BAIAP2L2: variants seen among roughly 807,000 people sequenced by gnomAD.
The protein encoded by BAIAP2L2 is BAR/IMD domain containing adaptor protein 2 like 2.
In BAIAP2L2, 65 loss-of-function variants were observed where a neutral mutation model predicts 60.4. The observed-to-expected ratio is 1.08, with a 90% confidence interval of 0.88 to 1.32. The LOEUF (loss-of-function observed/expected upper bound fraction) is 1.32, where lower values mean the gene tolerates loss of function less well. Ranked by LOEUF, BAIAP2L2 falls within the 40% of genes most tolerant of loss-of-function variation. The pLI is 0.00. For missense variants in BAIAP2L2, 836 were observed against 741.2 expected (o/e 1.13, Z -1.48); for synonymous variants, 344 against 301.7 (o/e 1.14, Z -1.45).
intron 9 of BAIAP2L2, 47 bp downstream of exon 9, chr22:38,089,045 ACCCC>A (rs1390019233): frequency 6.7e-5 from 93 of 1,394,124 alleles, no homozygotes; most frequent in Non-Finnish European, 7.9e-5. Context: ...CTGCAGCCCC[ACCCC>A]CGCGCCTCTC....
At chr22:38,107,045 T>A (rs2145632236) in intron 4 of BAIAP2L2, among the ~76,000 whole-genome samples, 1 of 152,272 alleles carries the variant, frequency 6.6e-6, no homozygotes, top group South Asian at 2.1e-4. Context: ...CGTCATCCTC[T>A]CAAGAACCCT....
chr22:38,097,973 G>A (rs2086478065), intron 6 of BAIAP2L2, 90 bp downstream of exon 6: 6 of 1,217,362 alleles, frequency 4.9e-6, no homozygotes, highest in Non-Finnish European at 7.1e-6. Context: ...GGGAGCTCAG[G>A]GAGGCGTTCG....
At chr22:38,108,105 G>A in intron 3 of BAIAP2L2, 150 bp downstream of exon 3, 1 of 929,558 alleles carries the variant, frequency 1.1e-6, no homozygotes, top group South Asian at 1.6e-5. Flanking sequence ...CCGGCAGGGA[G>A]TGGTGGCGGG....
intron 4 of BAIAP2L2, among the ~76,000 whole-genome samples, chr22:38,105,661 G>T (rs1269228084): frequency 6.6e-6 from 1 of 151,900 alleles, no homozygotes; most frequent in African/African-American, 2.4e-5. Flanking sequence ...CTTTTTCAGT[G>T]TCACCTCGTC....
chr22:38,109,651 G>A (rs1040076208), intron 1 of BAIAP2L2, among the ~76,000 whole-genome samples: 13 of 152,170 alleles, frequency 8.5e-5, no homozygotes, highest in African/African-American at 2.2e-4. Context: ...GGCAGCTCTC[G>A]CCCTCCTCCG....
intron 7 of BAIAP2L2, among the ~76,000 whole-genome samples, chr22:38,091,802 C>T (rs1051281118): frequency 7.2e-5 from 11 of 152,046 alleles, no homozygotes; most frequent in African/African-American, 2.7e-4. Context: ...GTTTCAGTAA[C>T]ATATCAAGAG....
At chr22:38,098,278 G>A (rs946659754) in intron 5 of BAIAP2L2, 99 bp from the exon 6 acceptor site, 13 of 1,471,788 alleles carry the variant, frequency 8.8e-6, no homozygotes, top group Non-Finnish European at 1.2e-5. Context: ...GGAGACTTGG[G>A]GCTCAGCTGG....
chr22:38,110,729 G>A (rs2086828608), upstream of BAIAP2L2: 2 of 555,884 alleles, frequency 3.6e-6, no homozygotes, highest in East Asian at 3.2e-5. Context: ...GTGATCTGGG[G>A]CGTAACCAGA....
Position 38,097,185 on chromosome 22 carries a change from G to C in BAIAP2L2, c.466-7C>G, listed in dbSNP as rs768771568. 3.1e-6 allele frequency: 5 copies of C among 1,610,530 alleles called. No individual in the cohort carries two copies. The highest frequency in any genetic ancestry group is 4.2e-6 in the Non-Finnish European group (5 of 1,177,614). ...GCAGCCGGTTCACACTCTCCTGGGG[G>C]GGAACGGGAGTTCTGGCTGGGGGCG... On this transcript the variant is annotated splice_region_variant and splice_polypyrimidine_tract_variant and intron_variant, in intron 6 of 13. Transcript: ENST00000381669.
intron 8 of BAIAP2L2, 71 bp downstream of exon 8, chr22:38,089,451 G>A (rs1226858397): frequency 1.2e-5 from 11 of 882,166 alleles, no homozygotes; most frequent in Non-Finnish European, 1.6e-5. Context: ...CCAGGCTGGG[G>A]GCCTGAGGCC....
intron 1 of BAIAP2L2, 128 bp from the exon 2 acceptor site, chr22:38,109,336 G>A: frequency 9.5e-6 from 7 of 737,988 alleles, no homozygotes; most frequent in South Asian, 8.4e-5. Flanking sequence ...CCCAGACTTT[G>A]GGGGGCCCAT....
chr22:38,086,158 C>T, intron 12 of BAIAP2L2, 84 bp downstream of exon 12: 3 of 1,436,532 alleles, frequency 2.1e-6, no homozygotes, highest in Non-Finnish European at 2.9e-6. Context: ...CCCTGCCAGA[C>T]AGCCGGTGAC....
chr22:38,092,112 A>C (rs2086318476), intron 7 of BAIAP2L2, among the ~76,000 whole-genome samples: 1 of 152,218 alleles, frequency 6.6e-6, no homozygotes, highest in African/African-American at 2.4e-5. Context: ...TATCCTGGAG[A>C]TACATTTGCA....
chr22:38,107,802 A>G (rs1569231569), intron 4 of BAIAP2L2, 50 bp downstream of exon 4: 1 of 1,555,504 alleles, frequency 6.4e-7, no homozygotes, highest in Non-Finnish European at 8.9e-7. Flanking sequence ...CTTGGAACAT[A>G]GCCCACTTTC....
At chr22:38,109,028 T>C in intron 2 of BAIAP2L2, 105 bp downstream of exon 2, 1 of 987,204 alleles carries the variant, frequency 1.0e-6, no homozygotes, top group African/African-American at 1.7e-5. Flanking sequence ...GGGTGTAGGG[T>C]TGAGGATGAA....
Position 38,097,048 on chromosome 22 carries a change from A to G in BAIAP2L2, c.596T>C (p.Leu199Pro), listed in dbSNP as rs777081479. The part of the protein sequence containing the change: ...EKHLLLSNTF[L>P]QFFGRARGML... ...CCAACTCACCCGGCCGAAGAACTGC[A>G]GGAAGGTGTTGGAAAGTAGCAGGTG... Residue 199 changes from leucine (L) to proline (P), a missense_variant, in exon 7 of 14, where the codon CTG becomes CCG. Physicochemically the swap from Leu to Pro is moderately conservative, Grantham distance 98 (BLOSUM62 -3). Coordinates refer to ENST00000381669, the MANE Select transcript of BAIAP2L2 (RefSeq NM_025045.6). The G allele has an allele frequency of 1.9e-6, 3 of 1,613,440 alleles. No homozygotes were observed. Among genetic ancestry groups the G allele is most frequent in the Non-Finnish European group, 2.5e-6 (3 of 1,179,674 alleles).
chr22:38,090,124 T>TTATTTTTA (rs2086259181), intron 7 of BAIAP2L2: 1 of 93,376 alleles, frequency 1.1e-5, no homozygotes, highest in Admixed American at 1.3e-4. Flanking sequence ...TTTTTTTTTT[T>TTATTTTTA]TTTTTAGACG....
At chr22:38,088,271 A>G (rs935316410) in intron 10 of BAIAP2L2, among the ~76,000 whole-genome samples, 5 of 152,034 alleles carry the variant, frequency 3.3e-5, no homozygotes, top group African/African-American at 1.2e-4. Context: ...AAACTCCCCA[A>G]ATCCTCCTCC....
At chr22:38,088,337 G>A (rs2086162562) in intron 10 of BAIAP2L2, among the ~76,000 whole-genome samples, 1 of 152,224 alleles carries the variant, frequency 6.6e-6, no homozygotes, top group African/African-American at 2.4e-5. Flanking sequence ...CACGGAGCCT[G>A]ACCGCAAAGA....
Sources: gnomAD v4.1 joint callset for allele counts (sites outside exome capture counted in the v4.1 genomes callset) on GRCh38, gnomAD v4.1.1 for gene constraint, MANE v1.5 for transcripts, NCBI Gene and HGNC (gene_info 2026-07-23, HGNC 2026-07-21) for gene names.